The following BNC2 variants were observed in gnomAD, a reference collection of about 807,000 sequenced individuals.
The protein encoded by BNC2 is zinc finger protein basonuclin-2.
In BNC2, 20 loss-of-function variants were observed where a neutral mutation model predicts 76.3. That is an observed-to-expected ratio of 0.26 (90% CI 0.18 to 0.38). The LOEUF (loss-of-function observed/expected upper bound fraction) is 0.38, where lower values mean the gene tolerates loss of function less well. Among genes scored for constraint, BNC2 ranks in the 10% least tolerant of loss-of-function variants. The pLI is 1.00. For missense variants in BNC2, 1,382 were observed against 1,399.8 expected, an observed-to-expected ratio of 0.99 and a Z score of 0.20; for synonymous variants, 582 against 514.8, an observed-to-expected ratio of 1.13 and a Z score of -1.77.
At chr9:16,518,751 C>T (rs564573158) in intron 5 of BNC2, among the ~76,000 whole-genome samples, 1 of 152,176 alleles carries the variant, frequency 6.6e-6, no homozygotes, top group East Asian at 1.9e-4. Context: ...CAGGTGCCCA[C>T]CACCATGCCT....
intron 3 of BNC2, among the ~76,000 whole-genome samples, chr9:16,649,895 G>A (rs1821743705): frequency 6.6e-6 from 1 of 152,158 alleles, no homozygotes; most frequent in Admixed American, 6.6e-5. Flanking sequence ...CAGAGCTATG[G>A]AGACACAGAG....
chr9:16,840,020 T>G (rs1343920070), intron 1 of BNC2, among the ~76,000 whole-genome samples: 1 of 152,168 alleles, frequency 6.6e-6, no homozygotes, highest in Non-Finnish European at 1.5e-5. Context: ...TTGATAAGAG[T>G]TGAAACCTGT....
chr9:16,626,390 G>A lies in BNC2; in HGVS notation c.331-43305C>T, dbSNP rs184791877. 2.0e-3 allele frequency: 301 copies of A among 152,218 alleles called. 4 individuals are homozygous for A. Among genetic ancestry groups the A allele is most frequent in the African/African-American group, 6.8e-3 (281 of 41,540 alleles). The allele number at this position is 152,218 out of a possible 1,614,324, so 9.4% of individuals were successfully genotyped here. On this transcript the variant is annotated intron_variant, in intron 3 of 6. Transcript: ENST00000380672. ...ATGCTTAAAGAATATAATAAAAGTCGAAGTGTTTTTTCCTGCAAGTACATT... is the reference window on the plus strand; with the variant it reads ...ATGCTTAAAGAATATAATAAAAGTCAAAGTGTTTTTTCCTGCAAGTACATT...
intron 3 of BNC2, among the ~76,000 whole-genome samples, chr9:16,683,414 G>A (rs570263289): frequency 2.0e-5 from 3 of 152,304 alleles, no homozygotes; most frequent in African/African-American, 7.2e-5. Context: ...CCTAAATTGA[G>A]GTGTACGGAA....
Position 16,595,777 on chromosome 9 carries a change from G to A in BNC2, c.331-12692C>T, listed in dbSNP as rs188099310. ...AGAGAAAGACAGGAAAAAACAGACTGACTAGCTAAAAACAAATGCTTCAAC... is the reference window on the plus strand; with the variant it reads ...AGAGAAAGACAGGAAAAAACAGACTAACTAGCTAAAAACAAATGCTTCAAC... On this transcript the variant is annotated intron_variant, in intron 3 of 6. Transcript: ENST00000380672. Among the ~76,000 whole-genome samples the A allele has an allele frequency of 5.9e-3, 904 of 152,066 alleles. 5 individuals carry two copies. The highest frequency in any genetic ancestry group is 0.021 in the African/African-American group (851 of 41,470).
chr9:16,678,066 AAGAG>A (rs1309098850), intron 3 of BNC2, among the ~76,000 whole-genome samples: 2 of 151,968 alleles, frequency 1.3e-5, no homozygotes, highest in Admixed American at 6.6e-5. Flanking sequence ...GCAAAATAAA[AAGAG>A]AGAATAATGG....
chr9:16,780,169 G>A (rs1826094009), intron 1 of BNC2, among the ~76,000 whole-genome samples: 1 of 146,704 alleles, frequency 6.8e-6, no homozygotes, highest in Non-Finnish European at 1.5e-5. Flanking sequence ...CTGGGAGGCG[G>A]AGCTTGCAGT....
chr9:16,751,254 T>C (rs1485319674), intron 1 of BNC2, among the ~76,000 whole-genome samples: 2 of 128,464 alleles, frequency 1.6e-5, no homozygotes, highest in Admixed American at 7.6e-5. Context: ...TTAAATTGCA[T>C]TGAAAATGGT....
intron 5 of BNC2, among the ~76,000 whole-genome samples, chr9:16,481,011 A>G (rs1587078483): frequency 6.6e-6 from 1 of 152,282 alleles, no homozygotes; most frequent in African/African-American, 2.4e-5. Flanking sequence ...TGTCTAGCTC[A>G]GGGATTGTAA....
chr9:16,453,839 G>A (rs1821392250), intron 5 of BNC2, among the ~76,000 whole-genome samples: 2 of 152,096 alleles, frequency 1.3e-5, no homozygotes, highest in African/African-American at 2.4e-5. Context: ...AACCTCAACG[G>A]TCCCATTTGC....
chr9:16,636,262 C>A (rs1821322115), intron 3 of BNC2, among the ~76,000 whole-genome samples: 1 of 152,000 alleles, frequency 6.6e-6, no homozygotes, highest in African/African-American at 2.4e-5. Context: ...GTCTGACCAT[C>A]CATAGTTCAT....
chr9:16,649,707 G>A (rs185454873), intron 3 of BNC2, among the ~76,000 whole-genome samples: 25 of 152,284 alleles, frequency 1.6e-4, no homozygotes, highest in Non-Finnish European at 2.6e-4. Flanking sequence ...ATCTATTTCT[G>A]ATGTATAAAT....
At chr9:16,518,576 ATAT>A in intron 5 of BNC2, among the ~76,000 whole-genome samples, 2 of 74,598 alleles carry the variant, frequency 2.7e-5, no homozygotes, top group African/African-American at 1.1e-4. Flanking sequence ...ATATATATAT[ATAT>A]TTTTTGTTGT....
intron 5 of BNC2, among the ~76,000 whole-genome samples, chr9:16,489,846 G>A (rs1484979539): frequency 2.0e-5 from 3 of 152,164 alleles, no homozygotes; most frequent in African/African-American, 4.8e-5. Context: ...ACTTGAGGAG[G>A]CAGCAGAACT....
At chr9:16,688,349 A>G (rs1218147461) in intron 3 of BNC2, among the ~76,000 whole-genome samples, 1 of 152,230 alleles carries the variant, frequency 6.6e-6, no homozygotes, top group Non-Finnish European at 1.5e-5. Context: ...CTCAGAAGTT[A>G]GCCAGCCACA....
At chr9:16,761,259 A>C (rs1443298718) in intron 1 of BNC2, among the ~76,000 whole-genome samples, 2 of 152,276 alleles carry the variant, frequency 1.3e-5, no homozygotes, top group East Asian at 1.9e-4. Context: ...ACAAAAAACA[A>C]CAACAACAAC....
chr9:16,654,439 A>T (rs1171558244), intron 3 of BNC2, among the ~76,000 whole-genome samples: 1 of 152,194 alleles, frequency 6.6e-6, no homozygotes, highest in Non-Finnish European at 1.5e-5. Flanking sequence ...TTCAGTTTAT[A>T]TCCTTATCTA....
intron 1 of BNC2, among the ~76,000 whole-genome samples, chr9:16,832,898 C>A (rs1265440499): frequency 6.6e-6 from 1 of 151,850 alleles, no homozygotes; most frequent in Non-Finnish European, 1.5e-5. Flanking sequence ...GCTAATTTTT[C>A]TATTTTTAGT....
rs113209563 is a variant in BNC2 at position 16,475,643 on chromosome 9, T to G, written c.670-38119A>C. ...GCAAACATTTGTAGTTCTAATCCAC[T>G]AGAAATTAATAAATCAAACAGTGTC... On this transcript the variant is annotated intron_variant, in intron 5 of 6. Transcript: ENST00000380672. Among the ~76,000 whole-genome samples, 1,317 of 152,314 alleles carry G rather than the reference T, an allele frequency of 8.6e-3. 32 individuals carry two copies. Among genetic ancestry groups the G allele is most frequent in the South Asian group, 0.08 (384 of 4,828 alleles).
Sources: gnomAD v4.1 joint callset for allele counts (sites outside exome capture counted in the v4.1 genomes callset) on GRCh38, gnomAD v4.1.1 for gene constraint, MANE v1.5 for transcripts, NCBI Gene and HGNC (gene_info 2026-07-23, HGNC 2026-07-21) for gene names.